EXOC5: variants seen among roughly 807,000 people sequenced by gnomAD.
EXOC5 encodes exocyst complex component 5, also known as SEC10-like 1.
In EXOC5, 17 loss-of-function variants were observed where a neutral mutation model predicts 90.8. That is an observed-to-expected ratio of 0.19 (90% CI 0.13 to 0.28). EXOC5 has a LOEUF of 0.28. EXOC5 is among the 10% of genes least tolerant of loss of function. The probability of loss-of-function intolerance (pLI) is 1.00; values close to 1 mark genes in which losing one functional copy is unlikely to be tolerated. For missense variants in EXOC5, 569 were observed against 830.6 expected (o/e 0.69, Z 3.87); for synonymous variants, 260 against 270.0 (o/e 0.96, Z 0.36).
intron 1 of EXOC5, among the ~76,000 whole-genome samples, chr14:57,248,094 G>GTTT (rs200141338): frequency 7.1e-6 from 1 of 140,266 alleles, no homozygotes; most frequent in African/African-American, 2.6e-5. Flanking sequence ...ATCTCACAAA[G>GTTT]TTTTTTTTTT....
At chr14:57,233,324 A>G (rs1883543156) in intron 9 of EXOC5, 1 of 155,562 alleles carries the variant, frequency 6.4e-6, no homozygotes, top group Admixed American at 6.5e-5. Flanking sequence ...GTACAGTGAT[A>G]TGGGGGTAAA....
chr14:57,228,918 ATT>A (rs1883396957), intron 12 of EXOC5, among the ~76,000 whole-genome samples: 1 of 150,990 alleles, frequency 6.6e-6, no homozygotes, highest in Non-Finnish European at 1.5e-5. Context: ...AGCTACTATT[ATT>A]TGTTTCATAC....
At chr14:57,244,707 A>G (rs1008359511) in intron 3 of EXOC5, among the ~76,000 whole-genome samples, 2 of 152,214 alleles carry the variant, frequency 1.3e-5, no homozygotes, top group South Asian at 2.1e-4. Flanking sequence ...CCAGACATCT[A>G]AAGAGCTCTC....
At chr14:57,213,285 G>A (rs970426523) in intron 15 of EXOC5, among the ~76,000 whole-genome samples, 1 of 152,152 alleles carries the variant, frequency 6.6e-6, no homozygotes, top group African/African-American at 2.4e-5. Context: ...AAGAAGCTGA[G>A]GTGGGAGGAC....
intron 1 of EXOC5, among the ~76,000 whole-genome samples, chr14:57,254,776 T>C (rs776215677): frequency 2.0e-5 from 3 of 152,186 alleles, no homozygotes; most frequent in Non-Finnish European, 4.4e-5. Flanking sequence ...AATCTCTCTC[T>C]GCACAAAGAA....
At chr14:57,257,176 A>T (rs1884372650) in intron 1 of EXOC5, among the ~76,000 whole-genome samples, 1 of 152,168 alleles carries the variant, frequency 6.6e-6, no homozygotes, top group South Asian at 2.1e-4. Context: ...AAAGAAAAAA[A>T]AGGAATAAAA....
At chr14:57,226,595 A>T in intron 12 of EXOC5, among the ~76,000 whole-genome samples, 1 of 152,174 alleles carries the variant, frequency 6.6e-6, no homozygotes, top group East Asian at 1.9e-4. Context: ...CCGATTCAAG[A>T]CTTATTATAA....
intron 15 of EXOC5, among the ~76,000 whole-genome samples, chr14:57,210,841 T>C (rs1209651034): frequency 6.6e-6 from 1 of 152,224 alleles, no homozygotes; most frequent in African/African-American, 2.4e-5. Flanking sequence ...CCACAATACC[T>C]GTTTGCCTGT....
chr14:57,247,642 C>T lies in EXOC5; in HGVS notation c.98G>A (p.Gly33Glu). 6.4e-7 allele frequency: 1 copy of T among 1,561,644 alleles called. No homozygotes were observed. Among genetic ancestry groups the T allele is most frequent in the Non-Finnish European group, 8.7e-7 (1 of 1,151,424 alleles). Reference sequence around the variant, plus strand: ...CCTTTTAGGATCAAAAGCTTCAGGTCCACCTCTAGAGCCTCCTCCTGGGGT... The same window carrying T: ...CCTTTTAGGATCAAAAGCTTCAGGTTCACCTCTAGAGCCTCCTCCTGGGGT... ...WRTPGGGSRG[G>E]PEAFDPKRLL... The change falls in exon 2 of 18, where the codon GGA becomes GAA. Residue 33 changes from glycine (G) to glutamate (E), a missense_variant. Gly to Glu is a moderately conservative substitution (Grantham distance 98). Transcript: ENST00000621441.
chr14:57,200,666 A>G lies in EXOC5; in HGVS notation c.*7943T>C, dbSNP rs998304707. On this transcript the variant is annotated 3_prime_UTR_variant, in exon 18 of 18. Coordinates refer to ENST00000621441, the MANE Select transcript of EXOC5 (RefSeq NM_006544.4). ...TAGAAAAACATACGGTATGCATTTCAAATTTAATTCTTTCAAAATGTAAGT... is the reference window on the plus strand; with the variant it reads ...TAGAAAAACATACGGTATGCATTTCGAATTTAATTCTTTCAAAATGTAAGT... 1 of 151,944 alleles carries G rather than the reference A, an allele frequency of 6.6e-6. No homozygotes were observed. The highest frequency in any genetic ancestry group is 2.1e-4 in the South Asian group (1 of 4,824). 9.4% of individuals were successfully genotyped at this position (151,944 alleles called of 1,614,324 possible).
chr14:57,262,545 T>C (rs1460110518), intron 1 of EXOC5, among the ~76,000 whole-genome samples: 1 of 142,874 alleles, frequency 7.0e-6, no homozygotes, highest in Non-Finnish European at 1.5e-5. Context: ...CATATGTGTG[T>C]GTGTGTGTGT....
intron 14 of EXOC5, 123 bp downstream of exon 14, chr14:57,219,199 C>T: frequency 2.1e-6 from 1 of 470,004 alleles, no homozygotes; most frequent in Non-Finnish European, 3.6e-6. Flanking sequence ...TTTCATTTCA[C>T]TTGTCCAGTT....
At chr14:57,215,572 T>C (rs537639906) in intron 15 of EXOC5, among the ~76,000 whole-genome samples, 67 of 152,116 alleles carry the variant, frequency 4.4e-4, no homozygotes, top group African/African-American at 1.5e-3. Context: ...AATCACATAA[T>C]TGTCTGATGA....
chr14:57,244,556 T>A (rs1883975926), intron 3 of EXOC5, among the ~76,000 whole-genome samples, 197 bp from the exon 4 acceptor site: 1 of 151,946 alleles, frequency 6.6e-6, no homozygotes, highest in Non-Finnish European at 1.5e-5. Flanking sequence ...ACTATTAAAA[T>A]AATATTTATC....
chr14:57,216,849 A>C (rs1349932099), intron 15 of EXOC5, among the ~76,000 whole-genome samples: 6 of 152,190 alleles, frequency 3.9e-5, no homozygotes, highest in African/African-American at 1.2e-4. Context: ...TATGAAATGG[A>C]AGGAAATATT....
chr14:57,240,058 G>A (rs1402426634), intron 4 of EXOC5, among the ~76,000 whole-genome samples: 2 of 152,102 alleles, frequency 1.3e-5, no homozygotes, highest in Non-Finnish European at 2.9e-5. Flanking sequence ...ATAATTTAGA[G>A]CATACTGCCA....
chr14:57,231,386 G>A (rs1032339072), intron 11 of EXOC5, 120 bp downstream of exon 11: 1 of 658,994 alleles, frequency 1.5e-6, no homozygotes, highest in Non-Finnish European at 2.6e-6. Flanking sequence ...ATAACAATCT[G>A]GATTAAAAGA....
chr14:57,257,332 C>G (rs190649254), intron 1 of EXOC5, among the ~76,000 whole-genome samples: 1 of 152,088 alleles, frequency 6.6e-6, no homozygotes, highest in Admixed American at 6.5e-5. Context: ...GTGTAGATGC[C>G]TATTAGATAT....
Position 57,209,583 on chromosome 14 carries a change from C to T in EXOC5, c.1922G>A (p.Cys641Tyr), listed in dbSNP as rs773254956. ...AICDVAEYRK[C>Y]AKDFKIPMVL... Reference sequence around the variant, plus strand: ...TACACATACCTTGAAGTCTTTGGCACACTTCCTATATTCGGCTACATCACA... The same window carrying T: ...TACACATACCTTGAAGTCTTTGGCATACTTCCTATATTCGGCTACATCACA... The change falls in exon 17 of 18, where the codon TGT (cysteine) becomes TAT (tyrosine). Residue 641 changes from cysteine (C) to tyrosine (Y), a missense_variant. Transcript: ENST00000621441. 1.2e-6 allele frequency: 2 copies of T among 1,610,790 alleles called. No homozygotes were observed. Among genetic ancestry groups the T allele is most frequent in the South Asian group, 1.1e-5 (1 of 90,878 alleles).
Sources: allele counts gnomAD v4.1 joint callset (sites outside exome capture counted in the v4.1 genomes callset), GRCh38; gene constraint gnomAD v4.1.1; transcripts MANE v1.5; gene names NCBI Gene and HGNC (gene_info 2026-07-23, HGNC 2026-07-21).